RPS6KA6: variants seen among roughly 807,000 people sequenced by gnomAD.
The protein encoded by RPS6KA6 is ribosomal protein S6 kinase alpha-6.
RPS6KA6 carries 27 observed loss-of-function variants against 65.4 expected under a neutral mutation model. The observed-to-expected ratio is 0.41, with a 90% CI of 0.30 to 0.57. The LOEUF (loss-of-function observed/expected upper bound fraction) is 0.57, where lower values mean the gene tolerates loss of function less well. Ranked by LOEUF, RPS6KA6 falls within the 20% of genes least tolerant of loss-of-function variation. The pLI is 0.24. For missense variants in RPS6KA6, 486 were observed against 555.6 expected, an observed-to-expected ratio of 0.87 and a Z score of 1.26; for synonymous variants, 190 against 184.2, an observed-to-expected ratio of 1.03 and a Z score of -0.26.
rs1491408319 is a variant in RPS6KA6 at position 84,059,115 on chromosome X, T to TTTC, written c.*5161_*5162insGAA. 1 of 19,376 alleles carries TTTC rather than the reference T, an allele frequency of 5.2e-5. No individual in the cohort carries two copies. The highest frequency in any genetic ancestry group is 4.7e-4 in the Admixed American group (1 of 2,131). 1.6% of individuals were successfully genotyped at this position (19,376 alleles called of 1,213,427 possible). A position where few individuals can be genotyped will look rare whatever the true frequency, so the allele number is the denominator to read the frequency against. On this transcript the variant is annotated 3_prime_UTR_variant, in exon 22 of 22. Transcript: ENST00000262752. ...ACTTTTTAAATGGCTGTTTCTTTTC[T>TTTC]TTTTTTTTTTTTTTTTTTTTTTTTT...
chrX:84,187,461 T>C (rs1304671094), intron 1 of RPS6KA6: 3 of 166,654 alleles, frequency 1.8e-5, no homozygotes, highest in African/African-American at 3.0e-5. Flanking sequence ...GCCAGCAAAC[T>C]AGGCGCGGCG....
chrX:84,159,015 T>C (rs1002682705), intron 2 of RPS6KA6, among the ~76,000 whole-genome samples: 9 of 111,602 alleles, frequency 8.1e-5, no homozygotes, highest in Non-Finnish European at 1.7e-4. Context: ...AGATACATAA[T>C]AGATATACAC....
chrX:84,090,346 T>C (rs896347644), intron 20 of RPS6KA6, among the ~76,000 whole-genome samples: 1 of 112,257 alleles, frequency 8.9e-6, no homozygotes, highest in African/African-American at 3.2e-5. Flanking sequence ...CTTTCACTAG[T>C]ATAATTTGGC....
rs1396931507 is a variant in RPS6KA6, at chrX:84,145,517, A to G, written c.462T>C (p.Phe154=). The G allele has an allele frequency of 8.6e-7, 1 of 1,157,912 alleles. No individual in the cohort carries two copies. Among genetic ancestry groups the G allele is most frequent in the African/African-American group, 1.8e-5 (1 of 55,487 alleles). The change falls in exon 6 of 22, where the codon TTT becomes TTC. Residue 154 remains phenylalanine, a synonymous_variant. Coordinates refer to ENST00000262752, the MANE Select transcript of RPS6KA6 (RefSeq NM_014496.5). ...TEGKLYLILD[F]LRGGDVFTRL... The stretch of plus-strand genomic sequence containing the variant: ...TTGTGAAAACATCTCCTCCCCTGAG[A>G]AAATCCAGTATTAAGTACAGTTTCC...
At chrX:84,124,359 A>T (rs2034735945) in intron 8 of RPS6KA6, among the ~76,000 whole-genome samples, 1 of 112,338 alleles carries the variant, frequency 8.9e-6, no homozygotes, top group Non-Finnish European at 1.9e-5. Context: ...AGGCTTTCAG[A>T]TAGATAATTC....
At chrX:84,120,480 CT>C (rs766285785) in intron 8 of RPS6KA6, among the ~76,000 whole-genome samples, 1 of 111,645 alleles carries the variant, frequency 9.0e-6, no homozygotes, top group East Asian at 2.8e-4. Flanking sequence ...AAAAATCAAT[CT>C]TATTTCTTGG....
rs549978412 is a variant in RPS6KA6 at position 84,118,439 on chromosome X, G to A, written c.790-985C>T. Among the ~76,000 whole-genome samples the A allele has an allele frequency of 2.7e-5, 3 of 111,426 alleles. No individual in the cohort carries two copies. In the East Asian group the frequency reaches 8.5e-4, roughly 32 times the overall value. On this transcript the variant is annotated intron_variant, in intron 9 of 21. Transcript: ENST00000262752. ...CCTCAAAGAAACTACACGTTGGGTA[G>A]TTAATATATACGTATTAAGGTCTCC... is the stretch of plus-strand genomic sequence containing the variant.
intron 20 of RPS6KA6, among the ~76,000 whole-genome samples, chrX:84,077,318 AAAAAG>A (rs1318838712): frequency 9.0e-6 from 1 of 111,424 alleles, no homozygotes; most frequent in Non-Finnish European, 1.9e-5. Flanking sequence ...AAAAACTCTG[AAAAAG>A]AAAAAAGTCG....
chrX:84,117,210 C>G (rs2034585392), intron 10 of RPS6KA6, 62 bp from the exon 11 acceptor site: 1 of 931,313 alleles, frequency 1.1e-6, no homozygotes, highest in African/African-American at 2.0e-5. Flanking sequence ...TTTGAAAAAT[C>G]TCAAAAAGAA....
chrX:84,166,623 G>A (rs1280801270), intron 1 of RPS6KA6, among the ~76,000 whole-genome samples: 2 of 111,038 alleles, frequency 1.8e-5, no homozygotes, highest in African/African-American at 6.5e-5. Flanking sequence ...TAAAATCCAT[G>A]TCATTAACAT....
chrX:84,094,993 G>T (rs1437703373), intron 20 of RPS6KA6, among the ~76,000 whole-genome samples: 1 of 112,162 alleles, frequency 8.9e-6, no homozygotes, highest in African/African-American at 3.2e-5. Context: ...AAATTGCATA[G>T]AAATGAATTT....
At chrX:84,137,793 T>C (rs2035019387) in intron 6 of RPS6KA6, among the ~76,000 whole-genome samples, 1 of 112,353 alleles carries the variant, frequency 8.9e-6, no homozygotes, top group Non-Finnish European at 1.9e-5. Flanking sequence ...ACTGACTTAC[T>C]GTTTTGTCAA....
chrX:84,171,212 A>G (rs1855413185), intron 1 of RPS6KA6, among the ~76,000 whole-genome samples: 1 of 111,590 alleles, frequency 9.0e-6, no homozygotes, highest in African/African-American at 3.3e-5. Context: ...GACCAAGCTG[A>G]CCCATGTGTT....
chrX:84,177,042 C>T (rs959027383), intron 1 of RPS6KA6, among the ~76,000 whole-genome samples: 30 of 110,953 alleles, frequency 2.7e-4, no homozygotes, highest in African/African-American at 9.8e-4. Context: ...AAAAGCAGTA[C>T]CATCCTCTTG....
chrX:84,069,317 G>A (rs2033480100), intron 20 of RPS6KA6, among the ~76,000 whole-genome samples: 1 of 111,745 alleles, frequency 8.9e-6, no homozygotes, highest in Non-Finnish European at 1.9e-5. Flanking sequence ...ATGGGGAAAG[G>A]ATCCCCTATT....
At chrX:84,085,157 A>C (rs2033890739) in intron 20 of RPS6KA6, among the ~76,000 whole-genome samples, 2 of 111,040 alleles carry the variant, frequency 1.8e-5, no homozygotes, top group South Asian at 7.5e-4. Flanking sequence ...AAGAAAGAAA[A>C]TTTGACTTCT....
At chrX:84,146,476 G>GA (rs1330438451) in intron 5 of RPS6KA6, among the ~76,000 whole-genome samples, 2 of 111,348 alleles carry the variant, frequency 1.8e-5, no homozygotes, top group Non-Finnish European at 3.8e-5. Context: ...TTCAAATTCA[G>GA]AAATGTCTAA....
intron 20 of RPS6KA6, among the ~76,000 whole-genome samples, chrX:84,080,823 T>A (rs902389809): frequency 1.1e-4 from 12 of 111,236 alleles, no homozygotes; most frequent in Non-Finnish European, 2.1e-4. Context: ...ATTAAGGAAC[T>A]CACTCAAAAC....
intron 20 of RPS6KA6, among the ~76,000 whole-genome samples, chrX:84,083,542 C>T (rs12559134): frequency 0.55 from 61,117 of 110,973 alleles, 13,664 homozygotes; most frequent in Non-Finnish European, 0.71. Context: ...TATCCATGTC[C>T]CTGCAAAGAA....
Sources: gnomAD v4.1 joint callset for allele counts (sites outside exome capture counted in the v4.1 genomes callset) on GRCh38, gnomAD v4.1.1 for gene constraint, MANE v1.5 for transcripts, NCBI Gene and HGNC (gene_info 2026-07-23, HGNC 2026-07-21) for gene names.